P2RX4: variants seen among roughly 807,000 people sequenced by gnomAD.
P2RX4 encodes the protein purinergic receptor P2X 4.
In P2RX4, 37 loss-of-function variants were observed where a neutral mutation model predicts 48.0. The observed-to-expected ratio is 0.77, with a 90% confidence interval of 0.59 to 1.01. The LOEUF (loss-of-function observed/expected upper bound fraction) is 1.01. Ranked by LOEUF, P2RX4 falls within the 50% of genes least tolerant of loss-of-function variation. The pLI, the probability that P2RX4 is intolerant of heterozygous loss-of-function variation, is 0.00. For missense variants in P2RX4, 501 were observed against 521.4 expected (o/e 0.96, Z 0.38); for synonymous variants, 200 against 199.7 (o/e 1.00, Z -0.01).
Position 121,233,888 on chromosome 12 carries a change from C to A in P2RX4, c.*339C>A. 2.5e-6 allele frequency: 1 copy of A among 395,350 alleles called. No homozygotes were observed. Among genetic ancestry groups the A allele is most frequent in the Non-Finnish European group, 4.8e-6 (1 of 210,254 alleles). The allele number at this position is 395,350 out of a possible 1,614,324, so 24.5% of individuals were successfully genotyped here. ...GAAGCCTCCTGTCTCCAGCTCTCTCCAGGACAGGCCCAGTCCTCTGAGGCA... is the reference window on the plus strand; with the variant it reads ...GAAGCCTCCTGTCTCCAGCTCTCTCAAGGACAGGCCCAGTCCTCTGAGGCA... On this transcript the variant is annotated 3_prime_UTR_variant, in exon 12 of 12. Transcript: ENST00000337233.
intron 4 of P2RX4, 45 bp downstream of exon 4, chr12:121,222,211 CG>C: frequency 7.7e-7 from 1 of 1,299,774 alleles, no homozygotes; most frequent in South Asian, 1.2e-5. Flanking sequence ...CTGAGCAGAT[CG>C]CCCCCACTGT....
At chr12:121,212,516 G>T (rs796073300) in intron 1 of P2RX4, among the ~76,000 whole-genome samples, 1 of 147,634 alleles carries the variant, frequency 6.8e-6, no homozygotes, top group East Asian at 2.0e-4. Context: ...TTCTGAACAC[G>T]GTGGCTCATG....
rs556422537 is a variant in P2RX4 at position 121,221,644 on chromosome 12, C to T, written c.283-269C>T. 2.6e-5 allele frequency among the ~76,000 whole-genome samples: 4 copies of T among 152,270 alleles called. No homozygotes were observed. The East Asian group carries it at 5.8e-4, about 22-fold the overall frequency. On this transcript the variant is annotated intron_variant, in intron 2 of 11. Coordinates refer to ENST00000337233, the MANE Select transcript of P2RX4 (RefSeq NM_002560.3). ...TCCTGACCTCGTGATCCGCCCGCCT[C>T]AGCCTCCCAAAGTGCTGGGATTACA...
At chr12:121,212,816 A>ATTTTTTTTTTT (rs1266371217) in intron 1 of P2RX4, 18 of 32,738 alleles carry the variant, frequency 5.5e-4, no homozygotes, top group African/African-American at 2.5e-3. Flanking sequence ...ATATATATAT[A>ATTTTTTTTTTT]TATATATATT....
rs1887516612 is a variant in P2RX4 at position 121,233,589 on chromosome 12, G to A, written c.*40G>A. The A allele has an allele frequency of 6.3e-7, 1 of 1,599,132 alleles. No individual in the cohort carries two copies. Among genetic ancestry groups the A allele is most frequent in the East Asian group, 2.2e-5 (1 of 44,524 alleles). The stretch of plus-strand genomic sequence containing the variant: ...CTGGGCTCTCCACAGCCCCATCAAA[G>A]AACAGAGAGGAGGAGGAGGGAGAAA... On this transcript the variant is annotated 3_prime_UTR_variant, in exon 12 of 12. Coordinates refer to ENST00000337233, the MANE Select transcript of P2RX4 (RefSeq NM_002560.3).
intron 1 of P2RX4, among the ~76,000 whole-genome samples, chr12:121,211,701 G>A (rs1194343471): frequency 1.3e-5 from 2 of 150,020 alleles, no homozygotes; most frequent in African/African-American, 2.5e-5. Flanking sequence ...TTTTGATGGA[G>A]TCTCCCTCTG....
In P2RX4 at chr12:121,232,808, C is replaced by A; in HGVS notation, c.1044+132C>A. 1 of 911,660 alleles carries A rather than the reference C, an allele frequency of 1.1e-6. No homozygotes were observed. Among genetic ancestry groups the A allele is most frequent in the Non-Finnish European group, 1.8e-6 (1 of 554,908 alleles). 56.5% of individuals were successfully genotyped at this position (911,660 alleles called of 1,614,324 possible). On this transcript the variant is annotated intron_variant, in intron 10 of 11. Transcript: ENST00000337233. The surrounding 1 kb of genome is among the most constrained non-coding windows in gnomAD (Gnocchi z 4.3). ...ACCCTCCTACCTTCTTTCCCTTGGC[C>A]CCCAGCCCTCCTCCCACCTTCCCTT...
At chr12:121,212,824 A>ATATATATATATATATATTTTTTT (rs370835501) in intron 1 of P2RX4, 1 of 32,252 alleles carries the variant, frequency 3.1e-5, no homozygotes, top group Non-Finnish European at 4.8e-5. Flanking sequence ...ATATATATAT[A>ATATATATATATATATATTTTTTT]TTTTTTTTTT....
chr12:121,213,100 C>T (rs1047016392), intron 1 of P2RX4: 2 of 151,738 alleles, frequency 1.3e-5, no homozygotes, highest in African/African-American at 4.8e-5. Flanking sequence ...TGTGCTATAA[C>T]CTTAAAATAC....
rs771676847 is a variant in P2RX4 at position 121,232,492 on chromosome 12, CATT to C, written c.964_966del (p.Ile322del). 1.3e-4 allele frequency: 210 copies of C among 1,614,114 alleles called. No individual in the cohort carries two copies. The Middle Eastern group carries it at 2.6e-3, about 20-fold the overall frequency. ...AGGCCTATGGCATCCGCTTCGACAT[CATT>C]GTGTTTGGGAAGGTAGCTCGCCGCC... On this transcript the variant is annotated inframe_deletion, in exon 9 of 12. Coordinates refer to ENST00000337233, the MANE Select transcript of P2RX4 (RefSeq NM_002560.3). The surrounding 1 kb of genome is among the most constrained non-coding windows in gnomAD (Gnocchi z 4.3).
At chr12:121,221,480 G>A (rs978929674) in intron 2 of P2RX4, among the ~76,000 whole-genome samples, 2 of 145,174 alleles carry the variant, frequency 1.4e-5, no homozygotes, top group Admixed American at 7.0e-5. Flanking sequence ...TGCAACCTCC[G>A]ACTCCCGGGT....
In P2RX4 at chr12:121,232,390, CT is replaced by C. The variant is rs5801428; in HGVS notation, c.885-23del. 204,161 of 1,562,282 alleles carry C rather than the reference CT, an allele frequency of 0.13. 15,269 individuals carry two copies. The highest frequency in any genetic ancestry group is 0.3 in the Admixed American group (17,704 of 59,912). On this transcript the variant is annotated intron_variant, in intron 8 of 11. Transcript: ENST00000337233. The surrounding 1 kb of genome is among the most constrained non-coding windows in gnomAD (Gnocchi z 4.3). ...AAGGTCCTGCCCCAGCCATCTCCCCCTGATCCATCCTCCTTCCCCTCAGGTT... is the reference window on the plus strand; with the variant it reads ...AAGGTCCTGCCCCAGCCATCTCCCCCGATCCATCCTCCTTCCCCTCAGGTT...
rs762566873 is a variant in P2RX4, at chr12:121,219,167, G to A, written c.282+1886G>A. Among the ~76,000 whole-genome samples the A allele has an allele frequency of 1.0e-3, 157 of 152,216 alleles. 1 individual carries two copies. Among genetic ancestry groups the A allele is most frequent in the Non-Finnish European group, 3.2e-4 (22 of 68,048 alleles). On this transcript the variant is annotated intron_variant, in intron 2 of 11. Transcript: ENST00000337233. ...GTTTGTACATTGAACACCTGGGAACGTGACAGGTGGCGGGAGAGAGGCTGC... is the reference window on the plus strand; with the variant it reads ...GTTTGTACATTGAACACCTGGGAACATGACAGGTGGCGGGAGAGAGGCTGC...
In P2RX4 at chr12:121,229,010, A is replaced by G; in HGVS notation, c.795A>G (p.Arg265=). The G allele has an allele frequency of 6.2e-7, 1 of 1,614,006 alleles. No individual in the cohort carries two copies. Among genetic ancestry groups the G allele is most frequent in the Non-Finnish European group, 8.5e-7 (1 of 1,180,008 alleles). The change falls in exon 8 of 12, where the codon AGA becomes AGG. Residue 265 remains arginine, a synonymous_variant. Coordinates refer to ENST00000337233, the MANE Select transcript of P2RX4 (RefSeq NM_002560.3). This position sits in a 1 kb window ranked among gnomAD's most constrained non-coding sequence, Gnocchi z 4.6. The part of the protein sequence containing the change: ...IQVNWDCNLD[R]AASLCLPRYS... ...TCAACTGGGACTGCAACCTGGACAGAGCCGCCTCCCTCTGCTTGCCCAGGT... is the reference window on the plus strand; with the variant it reads ...TCAACTGGGACTGCAACCTGGACAGGGCCGCCTCCCTCTGCTTGCCCAGGT...
intron 1 of P2RX4, chr12:121,212,816 A>ATTTTTTTT (rs1266371217): frequency 2.7e-4 from 9 of 32,752 alleles, no homozygotes; most frequent in African/African-American, 1.3e-3. Context: ...ATATATATAT[A>ATTTTTTTT]TATATATATT....
At position 121,233,926 on chromosome 12, in the gene P2RX4, TCAAG is replaced by T. The variant is rs143525058; in HGVS notation, c.*380_*383del. On this transcript the variant is annotated 3_prime_UTR_variant, in exon 12 of 12. Coordinates refer to ENST00000337233, the MANE Select transcript of P2RX4 (RefSeq NM_002560.3). Reference sequence around the variant, plus strand: ...GTCCTCTGAGGCACGGCGGCTCTGTTCAAGCACTTTATGCGGCAGGGGAGGCCGC... The same window carrying T: ...GTCCTCTGAGGCACGGCGGCTCTGTTCACTTTATGCGGCAGGGGAGGCCGC... 615 of 288,870 alleles carry T rather than the reference TCAAG, an allele frequency of 2.1e-3. 2 individuals carry two copies. The highest frequency in any genetic ancestry group is 0.017 in the East Asian group (226 of 13,440). The allele number at this position is 288,870 out of a possible 1,614,324, so 17.9% of individuals were successfully genotyped here.
chr12:121,227,279 A>T (rs1887035469), intron 5 of P2RX4, among the ~76,000 whole-genome samples: 1 of 152,170 alleles, frequency 6.6e-6, no homozygotes, highest in Admixed American at 6.5e-5. Context: ...GGATCAGGGG[A>T]ACATCCCCCA....
At chr12:121,222,759 G>A (rs1342801423) in intron 4 of P2RX4, 188 bp from the exon 5 acceptor site, 1 of 1,522,326 alleles carries the variant, frequency 6.6e-7, no homozygotes, top group Non-Finnish European at 8.8e-7. Flanking sequence ...AGATGTGGCT[G>A]GCACACAGGT....
chr12:121,226,851 G>A (rs951487851), intron 5 of P2RX4, among the ~76,000 whole-genome samples: 1 of 152,038 alleles, frequency 6.6e-6, no homozygotes, highest in African/African-American at 2.4e-5. Flanking sequence ...AGTGGCCCAT[G>A]CCTGTAATCC....
Sources: gnomAD v4.1 joint callset for allele counts (sites outside exome capture counted in the v4.1 genomes callset) on GRCh38, gnomAD v4.1.1 for gene constraint, Gnocchi (gnomAD v3.1) non-coding constraint, MANE v1.5 for transcripts, NCBI Gene and HGNC (gene_info 2026-07-23, HGNC 2026-07-21) for gene names.